ATP10A: variants seen among roughly 807,000 people sequenced by gnomAD.
ATP10A encodes the protein ATPase phospholipid transporting 10A (putative), also known as phospholipid-transporting ATPase VA.
ATP10A carries 111 observed loss-of-function variants against 147.8 expected under a neutral mutation model. The observed-to-expected ratio is 0.75, with a 90% CI of 0.64 to 0.88. The LOEUF is 0.88. ATP10A is among the 40% of genes least tolerant of loss of function. The pLI, the probability that ATP10A is intolerant of heterozygous loss-of-function variation, is 0.00. For missense variants in ATP10A, 1,927 were observed against 1,959.0 expected (o/e 0.98, Z 0.31); for synonymous variants, 875 against 841.6 (o/e 1.04, Z -0.69).
intron 7 of ATP10A, among the ~76,000 whole-genome samples, chr15:25,719,257 C>A (rs1350817923): frequency 6.6e-6 from 1 of 152,146 alleles, no homozygotes; most frequent in Non-Finnish European, 1.5e-5. Context: ...CTTATGGAGC[C>A]GGCCAGCCGC....
At chr15:25,769,589 G>T (rs1338722175) in intron 2 of ATP10A, among the ~76,000 whole-genome samples, 1 of 151,864 alleles carries the variant, frequency 6.6e-6, no homozygotes, top group Admixed American at 6.6e-5. Context: ...ATCCTACCCG[G>T]GTGCCTCAGC....
At chr15:25,795,570 A>G (rs749515239) in intron 1 of ATP10A, among the ~76,000 whole-genome samples, 1 of 152,230 alleles carries the variant, frequency 6.6e-6, no homozygotes, top group African/African-American at 2.4e-5. Flanking sequence ...GTCATATGTT[A>G]TGACACTTAT....
Position 25,679,629 on chromosome 15 carries a change from C to T in ATP10A, c.4212G>A (p.Arg1404=). ...ACTCCTCAGGACACCCTCCTGGACTCCTCAGGACAGCCTCCCCTGGCGCAG... is the reference window on the plus strand; with the variant it reads ...ACTCCTCAGGACACCCTCCTGGACTTCTCAGGACAGCCTCCCCTGGCGCAG... ...MSSAPGEAVL[R]SPGGCPEESK... is the part of the protein sequence containing the mutation. Residue 1404 remains arginine (R), a synonymous_variant, in exon 21 of 21, where the codon AGG becomes AGA. Coordinates refer to ENST00000555815, the MANE Select transcript of ATP10A (RefSeq NM_024490.4). The T allele has an allele frequency of 6.2e-7, 1 of 1,613,342 alleles. No individual in the cohort carries two copies. The highest frequency in any genetic ancestry group is 1.1e-5 in the South Asian group (1 of 91,076).
intron 2 of ATP10A, chr15:25,738,730 G>A (rs895754277): frequency 6.6e-6 from 1 of 152,172 alleles, no homozygotes; most frequent in African/African-American, 2.4e-5. Flanking sequence ...CCAGTAATTC[G>A]TGAGGGCACT....
Position 25,721,759 on chromosome 15 carries a change from T to C in ATP10A, c.1261A>G (p.Ile421Val), listed in dbSNP as rs776342047. 6.8e-6 allele frequency: 11 copies of C among 1,614,228 alleles called. No homozygotes were observed. Among genetic ancestry groups the C allele is most frequent in the Non-Finnish European group, 9.3e-6 (11 of 1,180,040 alleles). The change falls in exon 7 of 21, where the codon ATA becomes GTA. Residue 421 changes from isoleucine to valine, a missense_variant. Coordinates refer to ENST00000555815, the MANE Select transcript of ATP10A (RefSeq NM_024490.4). ...ALNITEDLGQ[I>V]QYIFSDKTGT... ...GTTTTATCTGAGAAAATGTACTGTA[T>C]CTGTCCTAAGTCTTCCGTGATGTTC...
intron 14 of ATP10A, among the ~76,000 whole-genome samples, chr15:25,693,919 A>G (rs1900169546): frequency 6.6e-6 from 1 of 152,216 alleles, no homozygotes; most frequent in African/African-American, 2.4e-5. Context: ...GCTGTCACAG[A>G]CCTTTTGCAG....
At position 25,705,451 on chromosome 15, in the gene ATP10A, A is replaced by AAC. The variant is rs1487740580; in HGVS notation, c.2575+2524_2575+2525insGT. Among the ~76,000 whole-genome samples the AAC allele has an allele frequency of 4.6e-3, 63 of 13,628 alleles. 2 individuals carry two copies. Among genetic ancestry groups the AAC allele is most frequent in the East Asian group, 0.027 (17 of 626 alleles). The allele number at this position is 13,628 out of a possible 152,430, so 8.9% of individuals were successfully genotyped here. Reference sequence around the variant, plus strand: ...ACTCTGTCTCAAAGCAAAAAAAAAAAAACAAAAAAAAAAAACAAAAAAAAT... The same window carrying AAC: ...ACTCTGTCTCAAAGCAAAAAAAAAAAACAACAAAAAAAAAAAACAAAAAAAAT... On this transcript the variant is annotated intron_variant, in intron 12 of 20. Transcript: ENST00000555815.
chr15:25,716,641 G>A, intron 9 of ATP10A, 89 bp downstream of exon 9: 1 of 1,309,674 alleles, frequency 7.6e-7, no homozygotes, highest in Non-Finnish European at 1.0e-6. Context: ...CTGCAGGAAA[G>A]GGAAGGGCGC....
intron 3 of ATP10A, among the ~76,000 whole-genome samples, chr15:25,731,614 G>A (rs1443420011): frequency 1.3e-5 from 2 of 152,166 alleles, no homozygotes; most frequent in Non-Finnish European, 2.9e-5. Context: ...CTCTCTGGGA[G>A]ATGACATCTC....
intron 1 of ATP10A, among the ~76,000 whole-genome samples, chr15:25,816,080 A>T (rs1165040297): frequency 1.3e-5 from 2 of 151,244 alleles, no homozygotes; most frequent in African/African-American, 4.9e-5. Context: ...AATATTTTTT[A>T]AAGTGAGATA....
chr15:25,804,608 G>T (rs1005751207), intron 1 of ATP10A, among the ~76,000 whole-genome samples: 4 of 152,086 alleles, frequency 2.6e-5, no homozygotes, highest in African/African-American at 9.7e-5. Context: ...TAAACAGGTG[G>T]CCAGGTCCAG....
intron 3 of ATP10A, among the ~76,000 whole-genome samples, chr15:25,728,238 C>T (rs1398747573): frequency 6.6e-6 from 1 of 152,202 alleles, no homozygotes; most frequent in Non-Finnish European, 1.5e-5. Flanking sequence ...GCCTTCTGAC[C>T]AGGGAAATAA....
chr15:25,814,382 G>T (rs887749750), intron 1 of ATP10A, among the ~76,000 whole-genome samples: 1 of 152,174 alleles, frequency 6.6e-6, no homozygotes, highest in Admixed American at 6.5e-5. Flanking sequence ...AATGTTCAAC[G>T]AAGTCCTTCA....
intron 7 of ATP10A, among the ~76,000 whole-genome samples, chr15:25,719,753 C>A (rs561676653): frequency 1.3e-5 from 2 of 152,156 alleles, no homozygotes; most frequent in Non-Finnish European, 2.9e-5. Context: ...GCAGGTAATG[C>A]CCCCTCCTGG....
In ATP10A at chr15:25,680,450, C is replaced by T. The variant is rs920120013; in HGVS notation, c.3679-142G>A. 2.2e-5 allele frequency: 20 copies of T among 912,622 alleles called. 1 individual carries two copies. In the South Asian group the frequency reaches 2.7e-4, roughly 12 times the overall value. The allele number at this position is 912,622 out of a possible 1,614,324, so 56.5% of individuals were successfully genotyped here. A position where few individuals can be genotyped will look rare whatever the true frequency, so the allele number is the denominator to read the frequency against. ...ACACTGCGGTCTATGACGCGGGTAA[C>T]CGGTGGGGCTCAATGAGGCCTCCAG... On this transcript the variant is annotated intron_variant, in intron 19 of 20. Coordinates refer to ENST00000555815, the MANE Select transcript of ATP10A (RefSeq NM_024490.4).
chr15:25,681,052 C>T lies in ATP10A; in HGVS notation c.3515G>A (p.Trp1172Ter). 6.2e-7 allele frequency: 1 copy of T among 1,613,958 alleles called. No individual in the cohort carries two copies. Among genetic ancestry groups the T allele is most frequent in the Non-Finnish European group, 8.5e-7 (1 of 1,179,882 alleles). The change falls in exon 18 of 21, where the codon TGG becomes TAG. Residue 1172 changes from tryptophan (W) to a stop codon, truncating the protein, a stop_gained. Transcript: ENST00000555815. LOFTEE classifies it high-confidence loss of function. ...NMEEYRPRTF[W>*]FNMADAAFQS... ...GAAGGCGGCGTCGGCCATGTTAAAC[C>T]AGAACGTTCGTGGCCGGTATTCCTG...
chr15:25,858,621 G>A (rs1452740153), intron 1 of ATP10A, among the ~76,000 whole-genome samples: 6 of 152,106 alleles, frequency 3.9e-5, no homozygotes, highest in African/African-American at 9.7e-5. Context: ...AAAATGGAGC[G>A]AAAATCAAAG....
intron 2 of ATP10A, among the ~76,000 whole-genome samples, chr15:25,745,074 C>G (rs1455605366): frequency 1.3e-5 from 2 of 152,150 alleles, no homozygotes; most frequent in East Asian, 3.9e-4. Flanking sequence ...GCCTGTAATC[C>G]CAGCACTTTG....
chr15:25,789,565 A>AGTGTGTGTGTGTGTGTGTGT (rs59744412), intron 1 of ATP10A, among the ~76,000 whole-genome samples: 3,765 of 141,326 alleles, frequency 0.027, 77 homozygotes, highest in African/African-American at 0.046. Flanking sequence ...CCAATAAAGA[A>AGTGTGTGTGTGTGTGTGTGT]GTGTGTGTGT....
Sources: allele counts gnomAD v4.1 joint callset (sites outside exome capture counted in the v4.1 genomes callset), GRCh38; gene constraint gnomAD v4.1.1; transcripts MANE v1.5; gene names NCBI Gene and HGNC (gene_info 2026-07-23, HGNC 2026-07-21).